The following DHRSX variants were observed in gnomAD, a reference collection of about 807,000 sequenced individuals.
DHRSX encodes the protein polyprenol dehydrogenase.
DHRSX carries 31 observed loss-of-function variants against 34.0 expected under a neutral mutation model. That is an observed-to-expected ratio of 0.91 (90% confidence interval 0.69 to 1.23). DHRSX has a LOEUF of 1.23. Among genes scored for constraint, DHRSX ranks in the 50% most tolerant of loss-of-function variants. The probability of loss-of-function intolerance (pLI) is 0.00; values close to 1 mark genes in which losing one functional copy is unlikely to be tolerated. For synonymous variants in DHRSX, 201 were observed against 183.8 expected (o/e 1.09, Z -0.76); for missense variants, 414 against 428.1 (o/e 0.97, Z 0.29).
rs187809273 is a variant in DHRSX at position 2,464,922 on chromosome X, C to G, written c.109+35895G>C. On this transcript the variant is annotated intron_variant, in intron 1 of 6. Coordinates refer to ENST00000334651, the MANE Select transcript of DHRSX (RefSeq NM_145177.3). ...GTGCACAATGAAGATGTTCCCTAAC[C>G]ATAGGCCAACAGACTGCCACTGTGT... Among the ~76,000 whole-genome samples, 26 of 151,254 alleles carry G rather than the reference C, an allele frequency of 1.7e-4. 1 individual carries two copies. Among genetic ancestry groups the G allele is most frequent in the African/African-American group, 6.3e-4 (26 of 41,176 alleles).
intron 3 of DHRSX, among the ~76,000 whole-genome samples, chrX:2,319,204 C>T (rs1232374506): frequency 6.7e-6 from 1 of 148,316 alleles, no homozygotes; most frequent in Non-Finnish European, 1.5e-5. Context: ...CCTCCCTCTT[C>T]GTCCCCCCTC....
intron 3 of DHRSX, among the ~76,000 whole-genome samples, chrX:2,298,088 C>A (rs914171937): frequency 6.6e-6 from 1 of 151,858 alleles, no homozygotes; most frequent in African/African-American, 2.4e-5. Context: ...AACAGGCATG[C>A]TTGAGACAGA....
At chrX:2,235,510 C>T (rs2015991383) in intron 6 of DHRSX, among the ~76,000 whole-genome samples, 1 of 151,426 alleles carries the variant, frequency 6.6e-6, no homozygotes, top group African/African-American at 2.4e-5. Flanking sequence ...TCTGGGAGGC[C>T]GAGGCCGGCG....
At chrX:2,490,060 C>A (rs2045088336) in intron 1 of DHRSX, 1 of 1,613,684 alleles carries the variant, frequency 6.2e-7, no homozygotes, top group African/African-American at 1.3e-5. Flanking sequence ...TGGGGGCGCC[C>A]AGGCCCAGGA....
chrX:2,232,330 G>C lies in DHRSX; in HGVS notation c.804+10693C>G, dbSNP rs201109503. On this transcript the variant is annotated intron_variant, in intron 6 of 6. Coordinates refer to ENST00000334651, the MANE Select transcript of DHRSX (RefSeq NM_145177.3). ...GAATGAACTTGTATCCACTTGTTTT[G>C]AAAACAACAACAACTAAAGCAACAG... 1.0e-4 allele frequency among the ~76,000 whole-genome samples: 4 copies of C among 38,780 alleles called. No individual in the cohort carries two copies. In the South Asian group the frequency reaches 4.1e-3, roughly 40 times the overall value. 25.4% of individuals were successfully genotyped at this position (38,780 alleles called of 152,430 possible). A position where few individuals can be genotyped will look rare whatever the true frequency, so the allele number is the denominator to read the frequency against.
chrX:2,388,348 T>A (rs1379122863), intron 3 of DHRSX, among the ~76,000 whole-genome samples: 1 of 152,070 alleles, frequency 6.6e-6, no homozygotes, highest in Admixed American at 6.6e-5. Flanking sequence ...ATGGGGTCTT[T>A]AAAGAGGCAA....
intron 5 of DHRSX, among the ~76,000 whole-genome samples, chrX:2,243,808 T>G (rs868632892): frequency 0.2 from 20,283 of 103,162 alleles, 2,799 homozygotes; most frequent in Non-Finnish European, 0.27. Context: ...TTTTTTTTTT[T>G]TTTTTTTTTT....
intron 6 of DHRSX, among the ~76,000 whole-genome samples, chrX:2,237,963 C>T (rs2016055004): frequency 3.3e-5 from 5 of 152,088 alleles, no homozygotes; most frequent in Admixed American, 3.3e-4. Flanking sequence ...CTGAAGAGCA[C>T]ACATGCCCTC....
intron 3 of DHRSX, among the ~76,000 whole-genome samples, chrX:2,304,959 T>A (rs1252234012): frequency 2.0e-5 from 3 of 151,968 alleles, no homozygotes; most frequent in African/African-American, 7.3e-5. Flanking sequence ...TCAACTCAAA[T>A]GCCCAAGAAT....
intron 1 of DHRSX, among the ~76,000 whole-genome samples, chrX:2,441,565 G>A (rs182410778): frequency 6.6e-6 from 1 of 152,160 alleles, no homozygotes; most frequent in Admixed American, 6.5e-5. Flanking sequence ...CAGGCCAGAT[G>A]CCCATGGAGA....
chrX:2,348,463 G>A (rs1031134077), intron 3 of DHRSX, among the ~76,000 whole-genome samples: 4 of 152,200 alleles, frequency 2.6e-5, no homozygotes, highest in African/African-American at 9.6e-5. Flanking sequence ...CTGGATGTGT[G>A]GGGTTTTATT....
rs181020750 is a variant in DHRSX at position 2,303,690 on chromosome X, G to A, written c.287-12087C>T. Among the ~76,000 whole-genome samples, 75 of 152,142 alleles carry A rather than the reference G, an allele frequency of 4.9e-4. No homozygotes were observed. In the Middle Eastern group the frequency reaches 0.01, roughly 21 times the overall value. On this transcript the variant is annotated intron_variant, in intron 3 of 6. Transcript: ENST00000334651. ...TGGATGCATGCATGGACGGATGGAC[G>A]GATGAATTGATGGATGGGTGGAAGG...
intron 3 of DHRSX, among the ~76,000 whole-genome samples, chrX:2,346,255 C>CT (rs3215281): frequency 1.3e-5 from 2 of 152,034 alleles, no homozygotes; most frequent in East Asian, 1.9e-4. Flanking sequence ...CTGACATGCC[C>CT]GAGTTGTTAT....
intron 2 of DHRSX, among the ~76,000 whole-genome samples, chrX:2,419,816 T>G (rs1281738369): frequency 2.8e-5 from 2 of 70,660 alleles, no homozygotes; most frequent in South Asian, 5.9e-4. Flanking sequence ...CGGGGACTGT[T>G]GTGGGGTGGG....
chrX:2,367,970 C>T (rs1206355740), intron 3 of DHRSX, among the ~76,000 whole-genome samples: 4 of 152,006 alleles, frequency 2.6e-5, no homozygotes, highest in Non-Finnish European at 4.4e-5. Flanking sequence ...AGGCCAGGCA[C>T]GGAGGCTCAC....
In DHRSX at chrX:2,494,642, T is replaced by C. The variant is rs189287027; in HGVS notation, c.109+6175A>G. On this transcript the variant is annotated intron_variant, in intron 1 of 6. Coordinates refer to ENST00000334651, the MANE Select transcript of DHRSX (RefSeq NM_145177.3). The stretch of plus-strand genomic sequence containing the variant: ...TATGTTCTATTATTATCATTATTAT[T>C]ATTATTTGGCTCACAGGTGTCCCAG... 3.7e-4 allele frequency among the ~76,000 whole-genome samples: 57 copies of C among 152,004 alleles called. 1 individual carries two copies. The highest frequency in any genetic ancestry group is 3.4e-3 in the Middle Eastern group (1 of 294).
chrX:2,414,471 C>A (rs972496566), intron 2 of DHRSX, among the ~76,000 whole-genome samples: 1 of 151,946 alleles, frequency 6.6e-6, no homozygotes, highest in South Asian at 2.1e-4. Context: ...TCATCATAAC[C>A]TAACCAAACT....
chrX:2,427,977 C>A (rs1346924508), intron 1 of DHRSX, among the ~76,000 whole-genome samples: 1 of 152,002 alleles, frequency 6.6e-6, no homozygotes, highest in Non-Finnish European at 1.5e-5. Context: ...GAACTGGAGG[C>A]CATTATCCTA....
intron 3 of DHRSX, among the ~76,000 whole-genome samples, chrX:2,360,893 A>G (rs1281608305): frequency 6.6e-6 from 1 of 152,074 alleles, no homozygotes; most frequent in Non-Finnish European, 1.5e-5. Flanking sequence ...CACCAAATAC[A>G]TATCCGGAGC....
Sources: gnomAD v4.1 joint callset for allele counts (sites outside exome capture counted in the v4.1 genomes callset) on GRCh38, gnomAD v4.1.1 for gene constraint, MANE v1.5 for transcripts, NCBI Gene and HGNC (gene_info 2026-07-23, HGNC 2026-07-21) for gene names.